The following CLCC1 variants were observed in gnomAD, a reference collection of about 807,000 sequenced individuals.
The protein encoded by CLCC1 is chloride channel CLIC like 1.
In CLCC1, 39 loss-of-function variants were observed where a neutral mutation model predicts 63.3. That is an observed-to-expected ratio of 0.62 (90% CI 0.48 to 0.81). CLCC1 has a LOEUF of 0.81. Ranked by LOEUF, CLCC1 falls within the 30% of genes least tolerant of loss-of-function variation. The pLI, the probability that CLCC1 is intolerant of heterozygous loss-of-function variation, is 0.00. For missense variants in CLCC1, 549 were observed against 669.4 expected, an observed-to-expected ratio of 0.82 and a Z score of 1.98; for synonymous variants, 217 against 239.8, an observed-to-expected ratio of 0.90 and a Z score of 0.88.
intron 2 of CLCC1, among the ~76,000 whole-genome samples, chr1:108,955,419 C>A (rs950541502): frequency 6.6e-6 from 1 of 151,400 alleles, no homozygotes; most frequent in Non-Finnish European, 1.5e-5. Flanking sequence ...GTATTTCCCC[C>A]TCTCCTGAAT....
Position 108,930,007 on chromosome 1 carries a change from A to G in CLCC1, c.*2540T>C, listed in dbSNP as rs939379040. On this transcript the variant is annotated 3_prime_UTR_variant, in exon 13 of 13. Transcript: ENST00000369969. Reference sequence around the variant, plus strand: ...AAACAATCTATTACTTTTTTCCTTAAAAGGAGAATTTATAGCACTGTAATA... The same window carrying G: ...AAACAATCTATTACTTTTTTCCTTAGAAGGAGAATTTATAGCACTGTAATA... The G allele has an allele frequency of 4.8e-5, 69 of 1,442,686 alleles. No homozygotes were observed. The highest frequency in any genetic ancestry group is 6.4e-5 in the Non-Finnish European group (66 of 1,033,786). 89.4% of individuals were successfully genotyped at this position (1,442,686 alleles called of 1,614,324 possible). A position where few individuals can be genotyped will look rare whatever the true frequency, so the allele number is the denominator to read the frequency against.
intron 4 of CLCC1, among the ~76,000 whole-genome samples, chr1:108,948,161 C>T (rs1383778750): frequency 1.3e-5 from 2 of 152,158 alleles, no homozygotes; most frequent in Admixed American, 1.3e-4. Context: ...TGAAGCCAGA[C>T]GATGAAATGA....
At position 108,930,284 on chromosome 1, in the gene CLCC1, T is replaced by G. The variant is rs953845877; in HGVS notation, c.*2263A>C. 4.9e-6 allele frequency: 1 copy of G among 202,772 alleles called. No individual in the cohort carries two copies. The highest frequency in any genetic ancestry group is 1.0e-5 in the Non-Finnish European group (1 of 100,054). 12.6% of individuals were successfully genotyped at this position (202,772 alleles called of 1,614,324 possible). A position where few individuals can be genotyped will look rare whatever the true frequency, so the allele number is the denominator to read the frequency against. On this transcript the variant is annotated 3_prime_UTR_variant, in exon 13 of 13. Transcript: ENST00000369969. Reference sequence around the variant, plus strand: ...TTATGGAAATAATTTTTTAACATCTTAATTGACAATGGCGTTTTTTTATAC... The same window carrying G: ...TTATGGAAATAATTTTTTAACATCTGAATTGACAATGGCGTTTTTTTATAC...
rs2101626126 is a variant in CLCC1, at chr1:108,937,241, T to C, written c.1219A>G (p.Thr407Ala). The part of the protein sequence containing the change: ...DFHYRGQMGP[T>A]EQGPYAKTYE... Reference sequence around the variant, plus strand: ...GTTTTGGCATAAGGGCCTTGCTCAGTGGGGCCCATTTGGCCCCTATAATGG... The same window carrying C: ...GTTTTGGCATAAGGGCCTTGCTCAGCGGGGCCCATTTGGCCCCTATAATGG... Residue 407 changes from threonine (T) to alanine (A), a missense_variant, in exon 11 of 13, where the codon ACT becomes GCT. Thr to Ala is a moderately conservative substitution (Grantham distance 58, BLOSUM62 0). Transcript: ENST00000369969. 1 of 1,614,184 alleles carries C rather than the reference T, an allele frequency of 6.2e-7. No homozygotes were observed. Among genetic ancestry groups the C allele is most frequent in the Non-Finnish European group, 8.5e-7 (1 of 1,180,014 alleles).
intron 5 of CLCC1, among the ~76,000 whole-genome samples, chr1:108,947,077 T>C (rs1461547166): frequency 6.6e-6 from 1 of 151,982 alleles, no homozygotes; most frequent in Non-Finnish European, 1.5e-5. Context: ...TCAGGGAGAA[T>C]TGCTGGAACC....
In CLCC1 at chr1:108,943,998, A is replaced by G. The variant is rs2101656107; in HGVS notation, c.399T>C (p.Thr133=). Residue 133 remains threonine (T), a synonymous_variant, in exon 6 of 13, where the codon ACT becomes ACC. Transcript: ENST00000369969. ...YDAEIILKRE[T]LLEIQKFLNG... ...TGAGAAACTTCTGTATTTCTAACAA[A>G]GTTTCTCTTTTAAGGATAATCTCAG... The G allele has an allele frequency of 3.1e-6, 5 of 1,613,606 alleles. No individual in the cohort carries two copies. The highest frequency in any genetic ancestry group is 4.2e-6 in the Non-Finnish European group (5 of 1,179,872).
At position 108,943,936 on chromosome 1, in the gene CLCC1, G is replaced by A. The variant is rs1654195876; in HGVS notation, c.461C>T (p.Ala154Val). The change falls in exon 6 of 13, where the codon GCA becomes GTA. Residue 154 changes from alanine (A) to valine (V), a missense_variant. Physicochemically the swap from Ala to Val is moderately conservative, Grantham distance 64. Transcript: ENST00000369969. ...EDWKPGALDD[A>V]LSDILINFKF... ...AAAATTAATTAAAATATCACTTAGTGCATCATCCAAGGCACCTGGTTTCCA... is the reference window on the plus strand; with the variant it reads ...AAAATTAATTAAAATATCACTTAGTACATCATCCAAGGCACCTGGTTTCCA... The A allele has an allele frequency of 6.2e-7, 1 of 1,612,638 alleles. No individual in the cohort carries two copies.
chr1:108,953,051 T>C (rs1655412117), intron 2 of CLCC1, among the ~76,000 whole-genome samples: 1 of 152,242 alleles, frequency 6.6e-6, no homozygotes, highest in African/African-American at 2.4e-5. Context: ...GCTACCATAT[T>C]GGACAGGGTG....
rs150029224 is a variant in CLCC1 at position 108,934,784 on chromosome 1, C to G, written c.1542G>C (p.Lys514Asn). The G allele has an allele frequency of 6.2e-7, 1 of 1,614,168 alleles. No individual in the cohort carries two copies. The highest frequency in any genetic ancestry group is 2.2e-5 in the East Asian group (1 of 44,878). Residue 514 changes from lysine to asparagine, a missense_variant, in exon 12 of 13, where the codon AAG becomes AAC. Transcript: ENST00000369969. ...GNTEGSPAAE[K>N]AQLKSEAAGS... is the part of the protein sequence containing the mutation. The stretch of plus-strand genomic sequence containing the variant: ...CTGCGGCTTCAGACTTGAGCTGGGC[C>G]TTTTCCGCTGCGGGTGAACCTTCTG...
rs1434933485 is a variant in CLCC1, at chr1:108,941,474, C to T, written c.727G>A (p.Glu243Lys). Residue 243 changes from glutamate (E) to lysine (K), a missense_variant, in exon 8 of 13, where the codon GAA becomes AAA. By Grantham distance (56) the Glu-to-Lys change is moderately conservative. Coordinates refer to ENST00000369969, the MANE Select transcript of CLCC1 (RefSeq NM_001377458.1). ...TTTAATGGCTCCATCTTGGCGACTT[C>T]AGCCTGATGCTGTGCAAAAGCTAGC... The part of the protein sequence containing the change: ...YKLAFAQHQA[E>K]VAKMEPLNNV... The T allele has an allele frequency of 1.2e-6, 2 of 1,614,146 alleles. No homozygotes were observed. The highest frequency in any genetic ancestry group is 2.2e-5 in the East Asian group (1 of 44,876).
intron 7 of CLCC1, among the ~76,000 whole-genome samples, chr1:108,942,070 A>C (rs1219234621): frequency 6.6e-6 from 1 of 152,190 alleles, no homozygotes; most frequent in Non-Finnish European, 1.5e-5. Flanking sequence ...ACTTTACTAA[A>C]AATATTGTTT....
At chr1:108,950,005 C>T in intron 3 of CLCC1, 84 bp from the exon 4 acceptor site, 1 of 858,246 alleles carries the variant, frequency 1.2e-6, no homozygotes, top group Non-Finnish European at 1.9e-6. Context: ...AAGATTCTGA[C>T]TTCATCATTT....
At chr1:108,950,557 T>A in intron 2 of CLCC1, 109 bp from the exon 3 acceptor site, 2 of 566,890 alleles carry the variant, frequency 3.5e-6, no homozygotes, top group Non-Finnish European at 5.1e-6. Context: ...GGTCTTGCTC[T>A]ATTGCCCAGG....
chr1:108,962,785 C>A (rs1019675491), intron 1 of CLCC1, among the ~76,000 whole-genome samples: 3 of 151,518 alleles, frequency 2.0e-5, no homozygotes, highest in Admixed American at 6.6e-5. Flanking sequence ...GCAGGAGAAT[C>A]GCTGGAACCC....
intron 2 of CLCC1, among the ~76,000 whole-genome samples, chr1:108,960,436 T>A (rs1245982990): frequency 6.6e-6 from 1 of 152,082 alleles, no homozygotes; most frequent in Admixed American, 6.5e-5. Flanking sequence ...AGCCATTGGA[T>A]TGGTTAATTA....
intron 1 of CLCC1, among the ~76,000 whole-genome samples, chr1:108,962,825 A>G (rs905771221): frequency 5.3e-5 from 8 of 150,790 alleles, no homozygotes; most frequent in African/African-American, 2.0e-4. Flanking sequence ...GAGCGGAGAT[A>G]GCACCACCGC....
At chr1:108,945,123 T>C (rs991149500) in intron 5 of CLCC1, among the ~76,000 whole-genome samples, 1 of 152,234 alleles carries the variant, frequency 6.6e-6, no homozygotes, top group African/African-American at 2.4e-5. Context: ...AAATACATAT[T>C]GTTCATTCAC....
intron 5 of CLCC1, among the ~76,000 whole-genome samples, chr1:108,944,831 G>A (rs943681906): frequency 2.6e-5 from 4 of 152,004 alleles, no homozygotes; most frequent in Admixed American, 1.3e-4. Context: ...GGGTTTCACC[G>A]CATTAGCCAG....
At position 108,930,036 on chromosome 1, in the gene CLCC1, C is replaced by A. The variant is rs905967634; in HGVS notation, c.*2511G>T. On this transcript the variant is annotated 3_prime_UTR_variant, in exon 13 of 13. Coordinates refer to ENST00000369969, the MANE Select transcript of CLCC1 (RefSeq NM_001377458.1). ...GAGAATTTATAGCACTGTAATACAG[C>A]TTAAAATATTTTTAGAATGATGTAA... 9.3e-7 allele frequency: 1 copy of A among 1,079,226 alleles called. No homozygotes were observed. Among genetic ancestry groups the A allele is most frequent in the African/African-American group, 1.6e-5 (1 of 63,392 alleles). 66.9% of individuals were successfully genotyped at this position (1,079,226 alleles called of 1,614,324 possible).
Sources: gnomAD v4.1 joint callset for allele counts (sites outside exome capture counted in the v4.1 genomes callset) on GRCh38, gnomAD v4.1.1 for gene constraint, MANE v1.5 for transcripts, NCBI Gene and HGNC (gene_info 2026-07-23, HGNC 2026-07-21) for gene names.